STIL: variants seen among roughly 807,000 people sequenced by gnomAD.
STIL encodes the protein SCL-interrupting locus protein.
STIL carries 55 observed loss-of-function variants against 110.1 expected under a neutral mutation model. The observed-to-expected ratio is 0.50, with a 90% confidence interval of 0.40 to 0.63. The LOEUF is 0.63. Ranked by LOEUF, STIL falls within the 20% of genes least tolerant of loss-of-function variation. The pLI, the probability that STIL is intolerant of heterozygous loss-of-function variation, is 0.00. For synonymous variants in STIL, 481 were observed against 530.0 expected, an observed-to-expected ratio of 0.91 and a Z score of 1.27; for missense variants, 1,358 against 1,530.0, an observed-to-expected ratio of 0.89 and a Z score of 1.87.
In STIL at chr1:47,282,348, C is replaced by T. The variant is rs771699255; in HGVS notation, c.1245G>A (p.Gln415=). ...RPIPSPHPVS[Q]KISKIQPSVP... is the part of the protein sequence containing the mutation. ...TGCATTTTAAAATCAGTGATACCTT[C>T]TGACTCACTGGATGAGGACTAGGAA... is the stretch of plus-strand genomic sequence containing the variant. The change falls in exon 11 of 17, where the codon CAG becomes CAA. Residue 415 remains glutamine, a synonymous_variant. Transcript: ENST00000371877. The T allele has an allele frequency of 5.6e-6, 9 of 1,598,858 alleles. No individual in the cohort carries two copies. The highest frequency in any genetic ancestry group is 1.7e-5 in the Admixed American group (1 of 59,996).
rs200980713 is a variant in STIL at position 47,251,405 on chromosome 1, T to C, written c.3598A>G (p.Thr1200Ala). 1.8e-4 allele frequency: 290 copies of C among 1,614,128 alleles called. No individual in the cohort carries two copies. Among genetic ancestry groups the C allele is most frequent in the Non-Finnish European group, 2.2e-4 (258 of 1,180,054 alleles). The change falls in exon 17 of 17, where the codon ACA (threonine) becomes GCA (alanine). Residue 1200 changes from threonine (T) to alanine (A), a missense_variant. By Grantham distance (58) the Thr-to-Ala change is moderately conservative. Coordinates refer to ENST00000371877, the MANE Select transcript of STIL (RefSeq NM_001048166.1). The stretch of plus-strand genomic sequence containing the variant: ...GCTTTTGTCTGCAAAACTTCATTTG[T>C]AATATTTCTCAATACTGGCGTATCT... ...NADTPVLRNI[T>A]NEVLQTKAKQ...
intron 1 of STIL, among the ~76,000 whole-genome samples, chr1:47,311,054 G>A (rs369437051): frequency 3.3e-5 from 5 of 151,540 alleles, no homozygotes; most frequent in East Asian, 3.9e-4. Flanking sequence ...CACCATGTTG[G>A]CCAGGATGGT....
intron 6 of STIL, 118 bp from the exon 7 acceptor site, chr1:47,295,966 T>G (rs1284214574): frequency 1.3e-6 from 1 of 741,736 alleles, no homozygotes; most frequent in Non-Finnish European, 2.3e-6. Flanking sequence ...GAACGTTGTC[T>G]TGCACACACA....
At chr1:47,296,082 T>C (rs1242383632) in intron 6 of STIL, among the ~76,000 whole-genome samples, 2 of 152,194 alleles carry the variant, frequency 1.3e-5, no homozygotes, top group Admixed American at 6.5e-5. Context: ...TAAAAGACAT[T>C]GAAGATTATA....
intron 10 of STIL, 78 bp downstream of exon 10, chr1:47,287,468 ATAATT>A: frequency 1.2e-6 from 1 of 865,282 alleles, no homozygotes; most frequent in Non-Finnish European, 1.8e-6. Flanking sequence ...TTCATCAGAA[ATAATT>A]TAGTTATTTT....
At chr1:47,298,386 T>C (rs545712087) in intron 6 of STIL, among the ~76,000 whole-genome samples, 8 of 152,310 alleles carry the variant, frequency 5.3e-5, no homozygotes, top group African/African-American at 1.9e-4. Context: ...AAAGCATGCA[T>C]TTTGGCTTAC....
chr1:47,285,037 T>TC (rs1553177287), intron 10 of STIL, among the ~76,000 whole-genome samples: 11 of 150,624 alleles, frequency 7.3e-5, no homozygotes, highest in Non-Finnish European at 1.6e-4. Context: ...TTTTTTTTTT[T>TC]CTTTGAGACA....
chr1:47,277,117 G>T (rs1645017165), intron 12 of STIL, among the ~76,000 whole-genome samples: 1 of 151,936 alleles, frequency 6.6e-6, no homozygotes, highest in Admixed American at 6.6e-5. Flanking sequence ...ATCACAAATA[G>T]AACAAAAAAA....
intron 16 of STIL, 91 bp downstream of exon 16, chr1:47,260,198 T>G (rs1644442783): frequency 2.3e-6 from 3 of 1,300,260 alleles, no homozygotes; most frequent in Non-Finnish European, 3.1e-6. Context: ...CATCTAAAAT[T>G]TATTCATCTA....
chr1:47,290,785 T>G (rs902998116), intron 8 of STIL, among the ~76,000 whole-genome samples: 3 of 152,098 alleles, frequency 2.0e-5, no homozygotes, highest in African/African-American at 7.2e-5. Context: ...AAGATGAGGT[T>G]ATAAATCATT....
intron 1 of STIL, among the ~76,000 whole-genome samples, chr1:47,310,816 G>A (rs558539676): frequency 6.6e-6 from 1 of 152,276 alleles, no homozygotes; most frequent in East Asian, 1.9e-4. Flanking sequence ...AGTACTGCAT[G>A]CATTCCCACA....
chr1:47,255,705 T>C (rs1004775720), intron 16 of STIL, among the ~76,000 whole-genome samples: 6 of 152,190 alleles, frequency 3.9e-5, no homozygotes, highest in African/African-American at 1.4e-4. Flanking sequence ...AGACAGGTTT[T>C]GAATTCAAAA....
intron 2 of STIL, among the ~76,000 whole-genome samples, chr1:47,308,327 G>A (rs1468396426): frequency 2.0e-5 from 3 of 151,450 alleles, no homozygotes; most frequent in Admixed American, 6.6e-5. Context: ...TCAAGGCAGC[G>A]GACGCTTAGG....
chr1:47,297,477 T>A (rs1330174294), intron 6 of STIL, among the ~76,000 whole-genome samples: 1 of 152,192 alleles, frequency 6.6e-6, no homozygotes, highest in Admixed American at 6.5e-5. Context: ...ACATATTCAA[T>A]AGATAGTAAG....
chr1:47,284,629 C>G (rs1310870669), intron 10 of STIL, among the ~76,000 whole-genome samples: 3 of 152,180 alleles, frequency 2.0e-5, no homozygotes, highest in Non-Finnish European at 2.9e-5. Context: ...GTGACACAAG[C>G]CTGTAATCCC....
At chr1:47,265,712 C>A (rs906435351) in intron 14 of STIL, among the ~76,000 whole-genome samples, 1 of 135,052 alleles carries the variant, frequency 7.4e-6, no homozygotes, top group Non-Finnish European at 1.5e-5. Context: ...ACCCGGGAGG[C>A]GGAGGGTGCA....
At position 47,262,930 on chromosome 1, in the gene STIL, A is replaced by T; in HGVS notation, c.2802T>A (p.Asp934Glu). The T allele has an allele frequency of 8.7e-6, 14 of 1,614,164 alleles. No homozygotes were observed. Among genetic ancestry groups the T allele is most frequent in the Non-Finnish European group, 1.2e-5 (14 of 1,180,026 alleles). Residue 934 changes from aspartate to glutamate, a missense_variant, in exon 15 of 17, where the codon GAT becomes GAA. Asp to Glu is a conservative substitution (Grantham distance 45). Coordinates refer to ENST00000371877, the MANE Select transcript of STIL (RefSeq NM_001048166.1). ...VMQPLLHQPSDNQKIYQDLLG... is the reference protein window; with the variant it reads ...VMQPLLHQPSENQKIYQDLLG... The stretch of plus-strand genomic sequence containing the variant: ...ATAAATCCTGGTAAATTTTCTGGTT[A>T]TCTGATGGTTGATGAAGCAAGGGTT...
At chr1:47,298,050 G>A (rs1645693416) in intron 6 of STIL, among the ~76,000 whole-genome samples, 1 of 152,050 alleles carries the variant, frequency 6.6e-6, no homozygotes, top group South Asian at 2.1e-4. Flanking sequence ...GCTCACTTTT[G>A]ACCACTCCAT....
chr1:47,293,424 G>T, intron 8 of STIL, 34 bp downstream of exon 8: 2 of 1,551,172 alleles, frequency 1.3e-6, no homozygotes, highest in African/African-American at 1.4e-5. Context: ...GGAAAGGATC[G>T]AAATAAAGTA....
Sources: gnomAD v4.1 joint callset for allele counts (sites outside exome capture counted in the v4.1 genomes callset) on GRCh38, gnomAD v4.1.1 for gene constraint, MANE v1.5 for transcripts, NCBI Gene and HGNC (gene_info 2026-07-23, HGNC 2026-07-21) for gene names.